ASCC3: variants seen among roughly 807,000 people sequenced by gnomAD.
ASCC3 encodes the protein activating signal cointegrator 1 complex subunit 3, also known as ASC-1 complex subunit P200.
Under a neutral mutation model 256.3 loss-of-function variants are expected in ASCC3, and 158 were observed. The ratio of observed to expected loss-of-function variants is 0.62; its 90% CI spans 0.54 to 0.70. The LOEUF (loss-of-function observed/expected upper bound fraction) is 0.70. ASCC3 is among the 30% of genes least tolerant of loss of function. The pLI, the probability that ASCC3 is intolerant of heterozygous loss-of-function variation, is 0.00. For missense variants in ASCC3, 2,259 were observed against 2,626.0 expected, an observed-to-expected ratio of 0.86 and a Z score of 3.05; for synonymous variants, 948 against 883.4, an observed-to-expected ratio of 1.07 and a Z score of -1.30.
chr6:100,580,063 T>C (rs1054348088), intron 36 of ASCC3, among the ~76,000 whole-genome samples: 1 of 152,154 alleles, frequency 6.6e-6, no homozygotes, highest in African/African-American at 2.4e-5. Context: ...GTTGTATTTC[T>C]AGGTATTTTA....
At chr6:100,818,582 A>G (rs1212810803) in intron 4 of ASCC3, among the ~76,000 whole-genome samples, 5 of 149,994 alleles carry the variant, frequency 3.3e-5, no homozygotes, top group South Asian at 2.1e-4. Context: ...AAAAAAAAAA[A>G]AAGAAGAAGA....
At chr6:100,637,226 T>C (rs7752639) in intron 25 of ASCC3, among the ~76,000 whole-genome samples, 2,134 of 152,186 alleles carry the variant, frequency 0.014, 40 homozygotes, top group African/African-American at 0.049. Context: ...AACTCTAGGG[T>C]CCTTAAGAAT....
chr6:100,834,440 C>T (rs763408251), intron 4 of ASCC3, among the ~76,000 whole-genome samples: 19 of 152,130 alleles, frequency 1.2e-4, no homozygotes, highest in Non-Finnish European at 2.4e-4. Context: ...CCAACCTCTT[C>T]AGTATTTAAA....
chr6:100,705,896 T>C (rs1778557881), intron 13 of ASCC3, among the ~76,000 whole-genome samples: 2 of 151,968 alleles, frequency 1.3e-5, no homozygotes, highest in African/African-American at 4.8e-5. Context: ...TAATGCGCTA[T>C]CGTTGACCAT....
intron 25 of ASCC3, among the ~76,000 whole-genome samples, chr6:100,632,182 TAAAAAAAAAAAA>T (rs35229827): frequency 9.8e-6 from 1 of 102,016 alleles, no homozygotes; most frequent in Admixed American, 1.0e-4. Flanking sequence ...GCAAACTATC[TAAAAAAAAAAAA>T]AAAAAAAAGA....
At chr6:100,754,849 T>C (rs1420960070) in intron 10 of ASCC3, among the ~76,000 whole-genome samples, 2 of 152,136 alleles carry the variant, frequency 1.3e-5, no homozygotes, top group African/African-American at 4.8e-5. Context: ...TAATAGTGAA[T>C]AAGTCTCACG....
At chr6:100,563,072 T>C (rs576301035) in intron 36 of ASCC3, among the ~76,000 whole-genome samples, 1 of 152,224 alleles carries the variant, frequency 6.6e-6, no homozygotes, top group East Asian at 1.9e-4. Flanking sequence ...CTTTTCATTT[T>C]ACCACTGGAG....
At chr6:100,764,827 T>C (rs773141943) in intron 10 of ASCC3, among the ~76,000 whole-genome samples, 4 of 152,082 alleles carry the variant, frequency 2.6e-5, no homozygotes, top group Non-Finnish European at 4.4e-5. Context: ...TAAATTGTGT[T>C]TGGGGGGTCG....
At chr6:100,525,156 C>CAAAAAAAAAAAAAAAAAAA (rs57882047) in intron 37 of ASCC3, among the ~76,000 whole-genome samples, 15 of 44,952 alleles carry the variant, frequency 3.3e-4, no homozygotes, top group Non-Finnish European at 3.5e-4. Context: ...GACCCTGTCT[C>CAAAAAAAAAAAAAAAAAAA]AAAAAAAAAA....
In ASCC3 at chr6:100,650,691, C is replaced by A; in HGVS notation, c.3099G>T (p.Glu1033Asp). ...AAAAATTGCTTAATAAGGTATCTAA[C>A]TCCTCTATTTCCTCTTCTCTGACCT... ...QIKVREEEIE[E>D]LDTLLSNFCE... is the part of the protein sequence containing the mutation. Residue 1033 changes from glutamate to aspartate, a missense_variant, in exon 20 of 42, where the codon GAG becomes GAT. By Grantham distance (45) the Glu-to-Asp change is conservative (BLOSUM62 2). Coordinates refer to ENST00000369162, the MANE Select transcript of ASCC3 (RefSeq NM_006828.4). The A allele has an allele frequency of 6.2e-7, 1 of 1,611,324 alleles. No homozygotes were observed. The highest frequency in any genetic ancestry group is 8.5e-7 in the Non-Finnish European group (1 of 1,177,980).
chr6:100,538,872 A>G (rs1270802180), intron 37 of ASCC3, among the ~76,000 whole-genome samples: 2 of 152,108 alleles, frequency 1.3e-5, no homozygotes, highest in African/African-American at 2.4e-5. Flanking sequence ...GAAAAAAAAA[A>G]TGTTTAGAAA....
chr6:100,641,258 G>A (rs239246), intron 24 of ASCC3, among the ~76,000 whole-genome samples: 85,575 of 152,004 alleles, frequency 0.56, 24,303 homozygotes, highest in East Asian at 0.73. Context: ...AAACACTATT[G>A]TATGATGTTG....
intron 32 of ASCC3, among the ~76,000 whole-genome samples, chr6:100,606,112 C>G (rs1772873545): frequency 6.6e-6 from 1 of 151,786 alleles, no homozygotes; most frequent in South Asian, 2.1e-4. Context: ...ATAATGAACC[C>G]ATTTAGGCCT....
At chr6:100,589,432 A>T (rs1420265578) in intron 36 of ASCC3, among the ~76,000 whole-genome samples, 1 of 152,120 alleles carries the variant, frequency 6.6e-6, no homozygotes, top group Non-Finnish European at 1.5e-5. Flanking sequence ...TTCCACACTC[A>T]GAAGGATCCA....
chr6:100,850,018 T>TG (rs1314683687), intron 3 of ASCC3, among the ~76,000 whole-genome samples: 5 of 146,776 alleles, frequency 3.4e-5, no homozygotes, highest in Non-Finnish European at 7.4e-5. Context: ...GAGGACCGCT[T>TG]GAACCTAGGA....
At chr6:100,624,370 C>T (rs1357687640) in intron 30 of ASCC3, among the ~76,000 whole-genome samples, 1 of 150,370 alleles carries the variant, frequency 6.7e-6, no homozygotes, top group African/African-American at 2.4e-5. Flanking sequence ...AAAAAGAAGA[C>T]AACTAGTAAA....
rs1249775963 is a variant in ASCC3 at position 100,602,857 on chromosome 6, T to C, written c.5178-922A>G. Among the ~76,000 whole-genome samples, 10 of 152,020 alleles carry C rather than the reference T, an allele frequency of 6.6e-5. No homozygotes were observed. In the East Asian group the frequency reaches 1.7e-3, roughly 26 times the overall value. On this transcript the variant is annotated intron_variant, in intron 33 of 41. Transcript: ENST00000369162. Reference sequence around the variant, plus strand: ...AAAAGCTAAGTAAAACTATAATTCATGGAAAAATATGCAGGTATTAAAAAT... The same window carrying C: ...AAAAGCTAAGTAAAACTATAATTCACGGAAAAATATGCAGGTATTAAAAAT...
intron 37 of ASCC3, among the ~76,000 whole-genome samples, chr6:100,537,165 A>G (rs1331322882): frequency 6.6e-6 from 1 of 152,218 alleles, no homozygotes; most frequent in Non-Finnish European, 1.5e-5. Flanking sequence ...GAAGGCTGGC[A>G]GACATCACCT....
intron 17 of ASCC3, among the ~76,000 whole-genome samples, chr6:100,654,773 A>C (rs1249481868): frequency 1.3e-5 from 2 of 152,124 alleles, no homozygotes; most frequent in East Asian, 3.9e-4. Flanking sequence ...CAGCCTCAGA[A>C]CTAATTGCTG....
Sources: gnomAD v4.1 joint callset for allele counts (sites outside exome capture counted in the v4.1 genomes callset) on GRCh38, gnomAD v4.1.1 for gene constraint, MANE v1.5 for transcripts, NCBI Gene and HGNC (gene_info 2026-07-23, HGNC 2026-07-21) for gene names.